The following SEC14L5 variants were observed in gnomAD, a reference collection of about 807,000 sequenced individuals.
SEC14L5 encodes SEC14 like lipid binding 5.
In SEC14L5, 96 loss-of-function variants were observed where a neutral mutation model predicts 84.6. That is an observed-to-expected ratio of 1.13 (90% CI 0.96 to 1.34). The LOEUF (loss-of-function observed/expected upper bound fraction) is 1.34, where lower values mean the gene tolerates loss of function less well. SEC14L5 is among the 40% of genes most tolerant of loss of function. The probability of loss-of-function intolerance (pLI) is 0.00; values close to 1 mark genes in which losing one functional copy is unlikely to be tolerated. For missense variants in SEC14L5, 1,224 were observed against 942.5 expected (o/e 1.30, Z -3.91); for synonymous variants, 546 against 383.4 (o/e 1.42, Z -4.95).
intron 15 of SEC14L5, among the ~76,000 whole-genome samples, chr16:5,012,019 G>A (rs578120053): frequency 5.3e-4 from 80 of 152,290 alleles, no homozygotes; most frequent in African/African-American, 1.8e-3. Context: ...ATTCTTTCCC[G>A]TGGGGGTAAA....
At chr16:4,985,760 T>C (rs1955478736) in intron 2 of SEC14L5, among the ~76,000 whole-genome samples, 1 of 150,590 alleles carries the variant, frequency 6.6e-6, no homozygotes, top group African/African-American at 2.4e-5. Context: ...TATTTATAGA[T>C]ACAATATATA....
rs79666830 is a variant in SEC14L5, at chr16:4,965,462, C to G, written c.63+6076C>G. Among the ~76,000 whole-genome samples the G allele has an allele frequency of 3.8e-3, 572 of 148,662 alleles. 16 individuals carry two copies. In the East Asian group the frequency reaches 0.067, roughly 17 times the overall value. ...GGATCACGAGGTCAGGAGATCGAGA[C>G]CATCCTGGCTAACACGGTGAAACCG... On this transcript the variant is annotated intron_variant, in intron 2 of 15. Transcript: ENST00000251170.
intron 8 of SEC14L5, among the ~76,000 whole-genome samples, chr16:4,998,702 C>T: frequency 7.7e-6 from 1 of 129,270 alleles, no homozygotes; most frequent in Non-Finnish European, 1.6e-5. Context: ...CCCGCCACTG[C>T]ACTCCAGCCT....
At chr16:5,006,097 G>A (rs1250761168) in intron 12 of SEC14L5, 49 bp downstream of exon 12, 2 of 1,597,252 alleles carry the variant, frequency 1.3e-6, no homozygotes, top group South Asian at 2.2e-5. Flanking sequence ...GAGGGGGCAT[G>A]CCTAGCTGGG....
intron 2 of SEC14L5, among the ~76,000 whole-genome samples, chr16:4,983,581 A>G (rs1955451634): frequency 6.6e-6 from 1 of 150,882 alleles, no homozygotes; most frequent in African/African-American, 2.4e-5. Context: ...CTTAAATAAT[A>G]TATGTATACA....
Position 5,008,790 on chromosome 16 carries a change from A to T in SEC14L5, c.1800+142A>T, listed in dbSNP as rs3743842. The T allele has an allele frequency of 3.3e-5, 23 of 694,658 alleles. No homozygotes were observed. The Middle Eastern group carries it at 1.1e-3, about 34-fold the overall frequency. 43.0% of individuals were successfully genotyped at this position (694,658 alleles called of 1,614,324 possible). ...GACCCTGCAGGACAGGGCAGAGGAA[A>T]GACACACAGGGTCTCATGTAATGAA... On this transcript the variant is annotated intron_variant, in intron 14 of 15. Transcript: ENST00000251170.
Position 5,011,579 on chromosome 16 carries a change from T to C in SEC14L5, c.1979+306T>C, listed in dbSNP as rs2241061. ...GAGTCTTAAACCCTTCCATGTGGGC[T>C]TCCCCTCACTCCTAGAATTCCATGG... On this transcript the variant is annotated intron_variant, in intron 15 of 15. Coordinates refer to ENST00000251170, the MANE Select transcript of SEC14L5 (RefSeq NM_014692.2). 2.6e-3 allele frequency among the ~76,000 whole-genome samples: 394 copies of C among 152,312 alleles called. 4 individuals are homozygous for C. The East Asian group carries it at 0.036, about 14-fold the overall frequency.
chr16:4,969,799 T>G (rs904174377), intron 2 of SEC14L5, among the ~76,000 whole-genome samples: 1 of 151,478 alleles, frequency 6.6e-6, no homozygotes, highest in South Asian at 2.1e-4. Flanking sequence ...TGTGTCTGTC[T>G]TGTCTGGTTC....
In SEC14L5 at chr16:5,008,486, C is replaced by T. The variant is rs372093889; in HGVS notation, c.1638C>T (p.Asp546=). 1.4e-4 allele frequency: 230 copies of T among 1,613,558 alleles called. 1 individual carries two copies. The African/African-American group carries it at 2.2e-3, about 15-fold the overall frequency. ...GGGACTTTGACATCCTGCGAGGGGA[C>T]GTGGTGTTCAGCCTGTACCACACCA... ...ITWDFDILRG[D]VVFSLYHTKQ... The change falls in exon 14 of 16, where the codon GAC becomes GAT. Residue 546 remains aspartate (D), a synonymous_variant. Coordinates refer to ENST00000251170, the MANE Select transcript of SEC14L5 (RefSeq NM_014692.2).
At chr16:5,010,336 T>A (rs1009942501) in intron 14 of SEC14L5, among the ~76,000 whole-genome samples, 2 of 151,252 alleles carry the variant, frequency 1.3e-5, no homozygotes, top group African/African-American at 2.4e-5. Flanking sequence ...TATACTCTAG[T>A]CTGAGTGAAA....
At chr16:4,981,608 G>GTT (rs1955424751) in intron 2 of SEC14L5, among the ~76,000 whole-genome samples, 2 of 152,146 alleles carry the variant, frequency 1.3e-5, no homozygotes, top group South Asian at 4.1e-4. Flanking sequence ...GCCTGGCTCT[G>GTT]TTTCTGAGCT....
rs1415664667 is a variant in SEC14L5 at position 5,018,927 on chromosome 16, T to A, written c.*3957T>A. On this transcript the variant is annotated 3_prime_UTR_variant, in exon 16 of 16. Transcript: ENST00000251170. The stretch of plus-strand genomic sequence containing the variant: ...AACACGATGGGTTTTTTTGTTTGCC[T>A]GATCACTTGCTCCAACCAGCAGCAT... The A allele has an allele frequency of 6.6e-6, 1 of 152,248 alleles. No homozygotes were observed. Among genetic ancestry groups the A allele is most frequent in the Non-Finnish European group, 1.5e-5 (1 of 68,050 alleles). The allele number at this position is 152,248 out of a possible 1,614,324, so 9.4% of individuals were successfully genotyped here. A position where few individuals can be genotyped will look rare whatever the true frequency, so the allele number is the denominator to read the frequency against.
At chr16:4,994,437 G>A (rs977669589) in intron 6 of SEC14L5, among the ~76,000 whole-genome samples, 1 of 152,032 alleles carries the variant, frequency 6.6e-6, no homozygotes, top group Non-Finnish European at 1.5e-5. Flanking sequence ...TCCGCCTCCT[G>A]GGTTCAAACG....
rs1458155164 is a variant in SEC14L5, at chr16:5,008,499, C to T, written c.1651C>T (p.Leu551=). The change falls in exon 14 of 16, where the codon CTG becomes TTG. Residue 551 remains leucine, a synonymous_variant. Transcript: ENST00000251170. The part of the protein sequence containing the change: ...DILRGDVVFS[L]YHTKQAPRLG... The stretch of plus-strand genomic sequence containing the variant: ...CCTGCGAGGGGACGTGGTGTTCAGC[C>T]TGTACCACACCAAGCAGGCGCCCAG... 1 of 1,612,764 alleles carries T rather than the reference C, an allele frequency of 6.2e-7. No homozygotes were observed.
Position 5,008,604 on chromosome 16 carries a change from C to A in SEC14L5, c.1756C>A (p.Arg586Ser). The change falls in exon 14 of 16, where the codon CGT becomes AGT. Residue 586 changes from arginine to serine, a missense_variant. By Grantham distance (110) the Arg-to-Ser change is moderately radical. Coordinates refer to ENST00000251170, the MANE Select transcript of SEC14L5 (RefSeq NM_014692.2). ...KGWVLGRDYS[R>S]VEAPLVCREG... is the part of the protein sequence containing the mutation. Reference sequence around the variant, plus strand: ...CTGGGTCCTGGGCAGGGATTACAGCCGTGTGGAGGCTCCCCTTGTCTGCCG... The same window carrying A: ...CTGGGTCCTGGGCAGGGATTACAGCAGTGTGGAGGCTCCCCTTGTCTGCCG... 1 of 1,603,708 alleles carries A rather than the reference C, an allele frequency of 6.2e-7. No homozygotes were observed. Among genetic ancestry groups the A allele is most frequent in the Non-Finnish European group, 8.5e-7 (1 of 1,177,412 alleles).
At chr16:4,984,553 G>A (rs1011685437) in intron 2 of SEC14L5, among the ~76,000 whole-genome samples, 1 of 152,152 alleles carries the variant, frequency 6.6e-6, no homozygotes, top group African/African-American at 2.4e-5. Flanking sequence ...ACATACCTAT[G>A]AGTGGAATTG....
intron 8 of SEC14L5, among the ~76,000 whole-genome samples, chr16:4,998,441 C>T (rs996979063): frequency 7.9e-5 from 12 of 151,994 alleles, no homozygotes; most frequent in African/African-American, 2.9e-4. Context: ...TGTCCTTTAT[C>T]TAAACGTTCA....
At chr16:4,980,504 T>C (rs150272251) in intron 2 of SEC14L5, among the ~76,000 whole-genome samples, 1 of 152,164 alleles carries the variant, frequency 6.6e-6, no homozygotes, top group African/African-American at 2.4e-5. Context: ...GTGCTGAGTC[T>C]GTGGCTTTAT....
At chr16:4,996,647 C>T (rs11862938) in intron 7 of SEC14L5, among the ~76,000 whole-genome samples, 187 bp downstream of exon 7, 1 of 152,078 alleles carries the variant, frequency 6.6e-6, no homozygotes, top group Non-Finnish European at 1.5e-5. Flanking sequence ...GTGATCCTCA[C>T]TGCAACCTTC....
Sources: gnomAD v4.1 joint callset for allele counts (sites outside exome capture counted in the v4.1 genomes callset) on GRCh38, gnomAD v4.1.1 for gene constraint, MANE v1.5 for transcripts, NCBI Gene and HGNC (gene_info 2026-07-23, HGNC 2026-07-21) for gene names.